PPP1CC: variants seen among roughly 807,000 people sequenced by gnomAD.
The protein encoded by PPP1CC is serine/threonine-protein phosphatase PP1-gamma catalytic subunit.
In PPP1CC, 16 loss-of-function variants were observed where a neutral mutation model predicts 38.4. That is an observed-to-expected ratio of 0.42 (90% CI 0.28 to 0.63). PPP1CC has a LOEUF of 0.63. Ranked by LOEUF, PPP1CC falls within the 30% of genes least tolerant of loss-of-function variation. PPP1CC has a pLI of 0.25. For missense variants in PPP1CC, 170 were observed against 391.3 expected, an observed-to-expected ratio of 0.43 and a Z score of 4.77; for synonymous variants, 158 against 136.0, an observed-to-expected ratio of 1.16 and a Z score of -1.13.
the PPP1CC span, among the ~76,000 whole-genome samples, chr12:110,708,821 A>G: frequency 3.3e-5 from 5 of 149,388 alleles, no homozygotes; most frequent in Admixed American, 6.8e-5. Context: ...ACTGCACTCC[A>G]GCTTGGGTGA....
intron 1 of PPP1CC, 141 bp from the exon 2 acceptor site, chr12:110,732,042 T>C (rs1566086281): frequency 3.6e-6 from 3 of 831,062 alleles, no homozygotes; most frequent in Non-Finnish European, 1.8e-6. Flanking sequence ...AACATGGTTT[T>C]AATGTCTAAT....
intron 1 of PPP1CC, among the ~76,000 whole-genome samples, chr12:110,737,578 A>G (rs556961773): frequency 6.6e-6 from 1 of 150,542 alleles, no homozygotes; most frequent in Non-Finnish European, 1.5e-5. Context: ...TCTGATTATC[A>G]CAATTGTTTC....
Position 110,722,370 on chromosome 12 carries a change from C to T in PPP1CC, c.748-101G>A, listed in dbSNP as rs1391001641. On this transcript the variant is annotated intron_variant, in intron 5 of 6. Transcript: ENST00000335007. The surrounding 1 kb of genome is among the most constrained non-coding windows in gnomAD (Gnocchi z 5.4). Reference sequence around the variant, plus strand: ...AGCCTGATATCTTGTGTTCCAGAAACACTTTGTATAAATAAGCAATACCTA... The same window carrying T: ...AGCCTGATATCTTGTGTTCCAGAAATACTTTGTATAAATAAGCAATACCTA... The T allele has an allele frequency of 7.0e-6, 11 of 1,560,544 alleles. No homozygotes were observed. Among genetic ancestry groups the T allele is most frequent in the Middle Eastern group, 1.7e-4 (1 of 5,930 alleles).
rs754269523 is a variant in PPP1CC at position 110,722,372 on chromosome 12, C to T, written c.747+100G>A. 3 of 1,561,280 alleles carry T rather than the reference C, an allele frequency of 1.9e-6. No individual in the cohort carries two copies. Among genetic ancestry groups the T allele is most frequent in the Non-Finnish European group, 2.6e-6 (3 of 1,137,344 alleles). ...CCTGATATCTTGTGTTCCAGAAACA[C>T]TTTGTATAAATAAGCAATACCTACC... On this transcript the variant is annotated intron_variant, in intron 5 of 6. Transcript: ENST00000335007. The surrounding 1 kb of genome is among the most constrained non-coding windows in gnomAD (Gnocchi z 5.4).
intron 3 of PPP1CC, among the ~76,000 whole-genome samples, chr12:110,728,315 C>A (rs1336873329): frequency 6.7e-6 from 1 of 149,970 alleles, no homozygotes; most frequent in Non-Finnish European, 1.5e-5. Flanking sequence ...AGGAGAATGG[C>A]GTGAACCCAG....
the PPP1CC span, among the ~76,000 whole-genome samples, chr12:110,711,796 A>C: frequency 6.6e-6 from 1 of 151,632 alleles, no homozygotes; most frequent in Non-Finnish European, 1.5e-5. Context: ...GTGGTGGTGC[A>C]TGCATGTGGT....
At chr12:110,736,606 T>C (rs1024819881) in intron 1 of PPP1CC, among the ~76,000 whole-genome samples, 2 of 152,082 alleles carry the variant, frequency 1.3e-5, no homozygotes, top group Non-Finnish European at 2.9e-5. Flanking sequence ...ATCATGCCAC[T>C]GCACTCCAGC....
At chr12:110,709,173 G>A in the PPP1CC span, among the ~76,000 whole-genome samples, 1,753 of 151,870 alleles carry the variant, frequency 0.012, 17 homozygotes, top group Middle Eastern at 0.017. Context: ...AAACACTTCA[G>A]ATATTGGAAT....
rs2136575299 is a variant in PPP1CC at position 110,742,781 on chromosome 12, A to C, written c.-74T>G. 20 of 1,203,798 alleles carry C rather than the reference A, an allele frequency of 1.7e-5. No homozygotes were observed. Among genetic ancestry groups the C allele is most frequent in the East Asian group, 6.3e-5 (2 of 31,576 alleles). 74.6% of individuals were successfully genotyped at this position (1,203,798 alleles called of 1,614,324 possible). A position where few individuals can be genotyped will look rare whatever the true frequency, so the allele number is the denominator to read the frequency against. On this transcript the variant is annotated 5_prime_UTR_variant, in exon 1 of 7. Transcript: ENST00000335007. ...GCCCGGGACTCACACCTCCTTTCCC[A>C]CGCCACGAGCAGAGGCGGTGGTGGC... is the stretch of plus-strand genomic sequence containing the variant.
At chr12:110,731,288 C>CA (rs1298397932) in intron 2 of PPP1CC, among the ~76,000 whole-genome samples, 2 of 148,312 alleles carry the variant, frequency 1.3e-5, no homozygotes, top group Non-Finnish European at 3.0e-5. Context: ...AACATGAACA[C>CA]AAAGTTTTAT....
At chr12:110,718,002 C>T (rs538103055), downstream of PPP1CC, among the ~76,000 whole-genome samples, 38 of 152,310 alleles carry the variant, frequency 2.5e-4, no homozygotes, top group South Asian at 6.2e-4. Flanking sequence ...CCCTTTCAAA[C>T]GCTCATCATG....
At chr12:110,735,853 T>C (rs1310280528) in intron 1 of PPP1CC, among the ~76,000 whole-genome samples, 1 of 151,522 alleles carries the variant, frequency 6.6e-6, no homozygotes, top group Non-Finnish European at 1.5e-5. Context: ...TCACCTGAGG[T>C]AAGGAGTTCG....
At chr12:110,713,320 G>C in the PPP1CC span, among the ~76,000 whole-genome samples, 74 of 152,114 alleles carry the variant, frequency 4.9e-4, no homozygotes, top group Non-Finnish European at 8.4e-4. Context: ...TTTTAGTAGA[G>C]ATGAGTTTCA....
intron 1 of PPP1CC, 70 bp from the exon 2 acceptor site, chr12:110,731,971 G>C: frequency 6.4e-7 from 1 of 1,555,136 alleles, no homozygotes. Context: ...TTTAGATAAA[G>C]GGGCAAAAAC....
At chr12:110,716,119 A>G (rs796878063), downstream of PPP1CC, among the ~76,000 whole-genome samples, 6 of 152,298 alleles carry the variant, frequency 3.9e-5, no homozygotes, top group African/African-American at 1.4e-4. Context: ...TAGACTTAAA[A>G]AATCTGGTTG....
the PPP1CC span, among the ~76,000 whole-genome samples, chr12:110,711,452 T>G: frequency 6.6e-6 from 1 of 152,010 alleles, no homozygotes; most frequent in African/African-American, 2.4e-5. Flanking sequence ...TGAAGAAAAG[T>G]AAGGAAGTGA....
downstream of PPP1CC, among the ~76,000 whole-genome samples, chr12:110,717,898 T>C (rs550971772): frequency 1.3e-5 from 2 of 152,342 alleles, no homozygotes; most frequent in South Asian, 4.1e-4. Context: ...AGATTTTTCA[T>C]GCAGCACTTC....
At chr12:110,726,320 T>C (rs1024193534) in intron 3 of PPP1CC, 2 of 152,228 alleles carry the variant, frequency 1.3e-5, no homozygotes, top group African/African-American at 4.8e-5. Flanking sequence ...TTATCTTTTC[T>C]CCTAATAATT....
At chr12:110,714,779 C>T (rs1428664189), downstream of PPP1CC, among the ~76,000 whole-genome samples, 2 of 123,314 alleles carry the variant, frequency 1.6e-5, no homozygotes, top group African/African-American at 3.2e-5. Flanking sequence ...GCACTCCAGC[C>T]TGGGCGACAG....
Sources: allele counts gnomAD v4.1 joint callset (sites outside exome capture counted in the v4.1 genomes callset), GRCh38; gene constraint gnomAD v4.1.1; non-coding constraint Gnocchi (gnomAD v3.1); transcripts MANE v1.5; gene names NCBI Gene and HGNC (gene_info 2026-07-23, HGNC 2026-07-21).